POU5F1B: variants seen among roughly 807,000 people sequenced by gnomAD.
The protein encoded by POU5F1B is POU class 5 homeobox 1B.
A neutral mutation model predicts 28.1 loss-of-function variants in POU5F1B; 24 were observed. The observed-to-expected ratio is 0.85, with a 90% confidence interval of 0.62 to 1.20. POU5F1B has a LOEUF of 1.20. POU5F1B is among the 50% of genes most tolerant of loss of function. The pLI is 0.00. For missense variants in POU5F1B, 451 were observed against 451.5 expected, an observed-to-expected ratio of 1.00 and a Z score of 0.01; for synonymous variants, 220 against 193.2, an observed-to-expected ratio of 1.14 and a Z score of -1.15.
At chr8:127,413,996 G>A (rs1440556583) in intron 1 of POU5F1B, among the ~76,000 whole-genome samples, 2 of 152,162 alleles carry the variant, frequency 1.3e-5, no homozygotes, top group East Asian at 3.8e-4. Context: ...TGTTTCATGA[G>A]AAAATTACAC....
At chr8:127,415,968 C>G (rs1200669147) in exon 3 of POU5F1B, 2 of 1,577,786 alleles carry the variant, frequency 1.3e-6, no homozygotes, top group Non-Finnish European at 1.7e-6. Context: ...ATCCTCTGAC[C>G]TGGCTAAGCT....
rs1429200633 is a variant in POU5F1B, at chr8:127,416,747, G to A, written c.881G>A (p.Arg294Gln). The A allele has an allele frequency of 2.5e-6, 4 of 1,608,716 alleles. No homozygotes were observed. The East Asian group carries it at 6.7e-5, about 27-fold the overall frequency. ...CGATCAAGCAGCGACTATGCACAAC[G>A]AGAGGATTTTGAGGCTGCTGGGTCT... is the stretch of plus-strand genomic sequence containing the variant. Residue 294 changes from arginine to glutamine, a missense_variant, in exon 3 of 3, where the codon CGA (arginine) becomes CAA (glutamine). Transcript: ENST00000465342.
exon 3 of POU5F1B, chr8:127,416,540 C>G: frequency 6.2e-7 from 1 of 1,608,628 alleles, no homozygotes; most frequent in Non-Finnish European, 8.5e-7. Flanking sequence ...AAAGCAGAAA[C>G]CCTCATGCAG....
chr8:127,416,544 CA>C lies in POU5F1B; in HGVS notation c.679del (p.Met227CysfsTer15), dbSNP rs1815143829. On this transcript the variant is annotated frameshift_variant, in exon 3 of 3. Transcript: ENST00000465342. LOFTEE classifies it high-confidence loss of function. ...AGGAGATATGCAAAGCAGAAACCCT[CA>C]TGCAGGCCCGAAAGAGAAAGCGAAC... is the stretch of plus-strand genomic sequence containing the variant. 6.2e-7 allele frequency: 1 copy of C among 1,608,114 alleles called. No individual in the cohort carries two copies. The highest frequency in any genetic ancestry group is 8.5e-7 in the Non-Finnish European group (1 of 1,176,964).
intron 1 of POU5F1B, among the ~76,000 whole-genome samples, chr8:127,414,356 A>T (rs1459989942): frequency 1.3e-5 from 2 of 152,168 alleles, no homozygotes; most frequent in Non-Finnish European, 2.9e-5. Context: ...TGTGTGTGTG[A>T]CTTTGGTGTT....
rs1317192950 is a variant in POU5F1B at position 127,416,966 on chromosome 8, A to T, written c.*20A>T. 1 of 1,594,328 alleles carries T rather than the reference A, an allele frequency of 6.3e-7. No homozygotes were observed. The highest frequency in any genetic ancestry group is 2.2e-5 in the East Asian group (1 of 44,540). ...AACTGAGGTGCCTGCCCTTCTAGGA[A>T]TGGGGAACAGGGGAGGGGAGGAGCT... is the stretch of plus-strand genomic sequence containing the variant. On this transcript the variant is annotated 3_prime_UTR_variant, in exon 3 of 3. Coordinates refer to ENST00000465342, the Ensembl canonical transcript of POU5F1B.
intron 1 of POU5F1B, among the ~76,000 whole-genome samples, chr8:127,414,449 A>T (rs1170322578): frequency 6.6e-6 from 1 of 152,222 alleles, no homozygotes; most frequent in Non-Finnish European, 1.5e-5. Flanking sequence ...CACTGCTTAA[A>T]CACTTACCTT....
exon 3 of POU5F1B, chr8:127,416,712 G>C: frequency 6.2e-7 from 1 of 1,609,740 alleles, no homozygotes; most frequent in South Asian, 1.1e-5. Context: ...ACCGGCGCCA[G>C]AAGGGCAAGC....
At chr8:127,415,774 A>T in exon 3 of POU5F1B, 1 of 1,443,076 alleles carries the variant, frequency 6.9e-7, no homozygotes, top group Non-Finnish European at 9.1e-7. Context: ...TGAGCGTATG[A>T]CACACACAGC....
Position 127,416,536 on chromosome 8 carries a change from G to T in POU5F1B, c.670G>T (p.Glu224Ter). The T allele has an allele frequency of 6.2e-7, 1 of 1,609,096 alleles. No individual in the cohort carries two copies. Among genetic ancestry groups the T allele is most frequent in the Non-Finnish European group, 8.5e-7 (1 of 1,177,440 alleles). The change falls in exon 3 of 3, where the codon GAA becomes TAA. Residue 224 changes from glutamate (E) to a stop codon, truncating the protein, a stop_gained. Coordinates refer to ENST00000465342, the Ensembl canonical transcript of POU5F1B. LOFTEE classifies it high-confidence loss of function. ...AAATCTTCAGGAGATATGCAAAGCAGAAACCCTCATGCAGGCCCGAAAGAG... is the reference window on the plus strand; with the variant it reads ...AAATCTTCAGGAGATATGCAAAGCATAAACCCTCATGCAGGCCCGAAAGAG...
At chr8:127,416,640 G>A in exon 3 of POU5F1B, 1 of 1,600,556 alleles carries the variant, frequency 6.2e-7, no homozygotes. Flanking sequence ...CCACACTGCA[G>A]ATCAGCCACA....
At chr8:127,416,129 G>T in exon 3 of POU5F1B, 1 of 1,613,622 alleles carries the variant, frequency 6.2e-7, no homozygotes, top group Non-Finnish European at 8.5e-7. Context: ...GTGCCCCAAG[G>T]CGGCTTGGAG....
At chr8:127,416,943 C>G in exon 3 of POU5F1B, 1 of 1,600,148 alleles carries the variant, frequency 6.2e-7, no homozygotes, top group Non-Finnish European at 8.5e-7. Flanking sequence ...TGCATTCAAA[C>G]TGAGGTGCCT....
chr8:127,416,823 T>C, exon 3 of POU5F1B: 1 of 1,605,032 alleles, frequency 6.2e-7, no homozygotes, highest in Non-Finnish European at 8.5e-7. Context: ...GGCCCCATTT[T>C]GGTACCCCAG....
exon 2 of POU5F1B, chr8:127,414,908 C>G (rs1815107850): frequency 6.6e-6 from 1 of 152,234 alleles, no homozygotes; most frequent in Admixed American, 6.5e-5. Context: ...CTGGGTGAAT[C>G]CAGCTGACAT....
Position 127,416,960 on chromosome 8 carries a change from C to T in POU5F1B, c.*14C>T, listed in dbSNP as rs1247034845. On this transcript the variant is annotated 3_prime_UTR_variant, in exon 3 of 3. Transcript: ENST00000465342. Reference sequence around the variant, plus strand: ...CATTCAAACTGAGGTGCCTGCCCTTCTAGGAATGGGGAACAGGGGAGGGGA... The same window carrying T: ...CATTCAAACTGAGGTGCCTGCCCTTTTAGGAATGGGGAACAGGGGAGGGGA... 13 of 1,596,654 alleles carry T rather than the reference C, an allele frequency of 8.1e-6. No homozygotes were observed. In the Admixed American group the frequency reaches 1.6e-4, roughly 19 times the overall value.
At chr8:127,414,950 A>G (rs1815108170) in exon 2 of POU5F1B, 1 of 152,234 alleles carries the variant, frequency 6.6e-6, no homozygotes, top group African/African-American at 2.4e-5. Context: ...CTTTATGGAA[A>G]AGCCCACATG....
intron 1 of POU5F1B, among the ~76,000 whole-genome samples, chr8:127,413,789 C>T (rs1815093550): frequency 6.6e-6 from 1 of 151,912 alleles, no homozygotes; most frequent in African/African-American, 2.4e-5. Flanking sequence ...GACTTGACTT[C>T]ATTTTGTGAG....
At chr8:127,415,583 C>T (rs1344908886) in exon 3 of POU5F1B, 2 of 408,292 alleles carry the variant, frequency 4.9e-6, no homozygotes, top group East Asian at 4.3e-5. Context: ...AATTTCAGAT[C>T]GGCCACTGAC....
Sources: gnomAD v4.1 joint callset for allele counts (sites outside exome capture counted in the v4.1 genomes callset) on GRCh38, gnomAD v4.1.1 for gene constraint, MANE v1.5 for transcripts, NCBI Gene and HGNC (gene_info 2026-07-23, HGNC 2026-07-21) for gene names.